SURF4: variants seen among roughly 807,000 people sequenced by gnomAD.
SURF4 encodes the protein surfeit 4, also known as surfeit locus protein 4.
In SURF4, 3 loss-of-function variants were observed where a neutral mutation model predicts 30.0. That is an observed-to-expected ratio of 0.10 (90% CI 0.05 to 0.26). The LOEUF is 0.26. Among genes scored for constraint, SURF4 ranks in the 10% least tolerant of loss-of-function variants. The pLI is 1.00. For synonymous variants in SURF4, 143 were observed against 139.9 expected, an observed-to-expected ratio of 1.02 and a Z score of -0.16; for missense variants, 217 against 350.8, an observed-to-expected ratio of 0.62 and a Z score of 3.05.
intron 1 of SURF4, among the ~76,000 whole-genome samples, chr9:133,372,163 C>G (rs999051786): frequency 1.3e-5 from 2 of 152,212 alleles, no homozygotes; most frequent in African/African-American, 4.8e-5. Flanking sequence ...CACGTCTCAG[C>G]AGTTTCTACA....
intron 1 of SURF4, among the ~76,000 whole-genome samples, chr9:133,373,077 C>T (rs1837600805): frequency 1.3e-5 from 2 of 152,176 alleles, no homozygotes; most frequent in Non-Finnish European, 2.9e-5. Context: ...TGTGAGCAGC[C>T]CCTTCACCCG....
chr9:133,377,738 A>G (rs1838027561), upstream of SURF4, among the ~76,000 whole-genome samples: 1 of 152,060 alleles, frequency 6.6e-6, no homozygotes. Context: ...CAATTTTTCC[A>G]CAGATGGAGG....
chr9:133,372,744 G>T, intron 1 of SURF4: 1 of 587,818 alleles, frequency 1.7e-6, no homozygotes. Context: ...TCATTTTCAT[G>T]TAAAAGCCTG....
At position 133,375,905 on chromosome 9, in the gene SURF4, GAGCCCGC is replaced by G. The variant is rs1432934594; in HGVS notation, c.48+10_48+16del. Reference sequence around the variant, plus strand: ...TGGGTCGGGACCGGGGCCGGGGGAGGAGCCCGCAGGCCGCACCTGGTCGGCGAAGTCC... The same window carrying G: ...TGGGTCGGGACCGGGGCCGGGGGAGGAGGCCGCACCTGGTCGGCGAAGTCC... On this transcript the variant is annotated intron_variant, in intron 1 of 5. Coordinates refer to ENST00000371989, the MANE Select transcript of SURF4 (RefSeq NM_033161.4). 8.2e-7 allele frequency: 1 copy of G among 1,224,062 alleles called. No homozygotes were observed. The highest frequency in any genetic ancestry group is 1.6e-5 in the African/African-American group (1 of 63,780). The allele number at this position is 1,224,062 out of a possible 1,614,324, so 75.8% of individuals were successfully genotyped here. A position where few individuals can be genotyped will look rare whatever the true frequency, so the allele number is the denominator to read the frequency against.
At position 133,363,276 on chromosome 9, in the gene SURF4, C is replaced by G. The variant is rs2130083832; in HGVS notation, c.*217G>C. 1 of 822,636 alleles carries G rather than the reference C, an allele frequency of 1.2e-6. No homozygotes were observed. Among genetic ancestry groups the G allele is most frequent in the East Asian group, 2.7e-5 (1 of 37,588 alleles). The allele number at this position is 822,636 out of a possible 1,614,324, so 51.0% of individuals were successfully genotyped here. Reference sequence around the variant, plus strand: ...GGAGGCTTCCAGCTGCCAGGCTGGCCTGCACTGAAGGGTCAGACGCCAGAC... The same window carrying G: ...GGAGGCTTCCAGCTGCCAGGCTGGCGTGCACTGAAGGGTCAGACGCCAGAC... On this transcript the variant is annotated 3_prime_UTR_variant, in exon 6 of 6. Coordinates refer to ENST00000371989, the MANE Select transcript of SURF4 (RefSeq NM_033161.4). The surrounding 1 kb of genome is among the most constrained non-coding windows in gnomAD (Gnocchi z 4.3).
In SURF4 at chr9:133,365,159, C is replaced by G. The variant is rs962793386; in HGVS notation, c.357-133G>C. On this transcript the variant is annotated intron_variant, in intron 4 of 5. Transcript: ENST00000371989. ...CCCTTTCTCCAAACCCAGTGATCTG[C>G]CAAGCAGGACCAGGCAGGCATGCGC... is the stretch of plus-strand genomic sequence containing the variant. The G allele has an allele frequency of 5.0e-6, 4 of 797,794 alleles. No homozygotes were observed. In the African/African-American group the frequency reaches 7.0e-5, roughly 14 times the overall value. 49.4% of individuals were successfully genotyped at this position (797,794 alleles called of 1,614,324 possible). A position where few individuals can be genotyped will look rare whatever the true frequency, so the allele number is the denominator to read the frequency against.
intron 1 of SURF4, among the ~76,000 whole-genome samples, chr9:133,371,627 A>C (rs1837513489): frequency 1.3e-5 from 2 of 152,188 alleles, no homozygotes; most frequent in South Asian, 4.1e-4. Context: ...TCCCGTTAAG[A>C]TCATCACACA....
chr9:133,373,693 G>A (rs1334598286), intron 1 of SURF4, among the ~76,000 whole-genome samples: 10 of 151,282 alleles, frequency 6.6e-5, no homozygotes, highest in African/African-American at 9.7e-5. Flanking sequence ...TAAGGCAGGC[G>A]GACCACCTGA....
intron 1 of SURF4, among the ~76,000 whole-genome samples, chr9:133,374,129 G>C (rs1032497478): frequency 6.6e-6 from 1 of 152,138 alleles, no homozygotes; most frequent in Non-Finnish European, 1.5e-5. Flanking sequence ...GCTATGAGGA[G>C]CCATCTTCTT....
rs782483902 is a variant in SURF4 at position 133,366,630 on chromosome 9, C to T, written c.281G>A (p.Cys94Tyr). The change falls in exon 3 of 6, where the codon TGC becomes TAC. Residue 94 changes from cysteine (C) to tyrosine (Y), a missense_variant. Transcript: ENST00000371989. ...VLSRNFVQYACFGLFGIIALQ... is the reference protein window; with the variant it reads ...VLSRNFVQYAYFGLFGIIALQ... ...AGCTATGATTCCAAAGAGCCCGAAG[C>T]AGGCGTACTGCACGAAGTTCCTGCT... The T allele has an allele frequency of 6.2e-7, 1 of 1,613,854 alleles. No homozygotes were observed.
rs2130067856 is a variant in SURF4, at chr9:133,361,936, A to G, written c.*1557T>C. On this transcript the variant is annotated 3_prime_UTR_variant, in exon 6 of 6. Transcript: ENST00000371989. ...CACTGAGACAAGCCAGTCTTCATGCAGTGAGCACTTGAATGATCACAGGAG... is the reference window on the plus strand; with the variant it reads ...CACTGAGACAAGCCAGTCTTCATGCGGTGAGCACTTGAATGATCACAGGAG... The G allele has an allele frequency of 2.0e-5, 3 of 152,378 alleles. No individual in the cohort carries two copies. Among genetic ancestry groups the G allele is most frequent in the Non-Finnish European group, 4.4e-5 (3 of 68,068 alleles). 9.4% of individuals were successfully genotyped at this position (152,378 alleles called of 1,614,324 possible).
chr9:133,375,708 G>C (rs1300172507), intron 1 of SURF4, among the ~76,000 whole-genome samples: 1 of 152,074 alleles, frequency 6.6e-6, no homozygotes, highest in Admixed American at 6.5e-5. Context: ...CCCGGGCTCC[G>C]GGAGCGGCCC....
In SURF4 at chr9:133,362,172, G is replaced by C. The variant is rs189616967; in HGVS notation, c.*1321C>G. On this transcript the variant is annotated 3_prime_UTR_variant, in exon 6 of 6. Transcript: ENST00000371989. Reference sequence around the variant, plus strand: ...GAGAGGCCAAGAGGGAGGCAGGCTCGGGGCTGGGCCGCAGCAGCCCTGGAG... The same window carrying C: ...GAGAGGCCAAGAGGGAGGCAGGCTCCGGGCTGGGCCGCAGCAGCCCTGGAG... The C allele has an allele frequency of 1.3e-5, 2 of 152,150 alleles. No individual in the cohort carries two copies. Among genetic ancestry groups the C allele is most frequent in the Non-Finnish European group, 2.9e-5 (2 of 68,052 alleles). The allele number at this position is 152,150 out of a possible 1,614,324, so 9.4% of individuals were successfully genotyped here.
chr9:133,363,398 G>C lies in SURF4; in HGVS notation c.*95C>G. ...CCTTTACCAAGGGAGGGGAAGGGAA[G>C]AGGATACATAAAAGCTGGCAGTTTT... On this transcript the variant is annotated 3_prime_UTR_variant, in exon 6 of 6. Coordinates refer to ENST00000371989, the MANE Select transcript of SURF4 (RefSeq NM_033161.4). The surrounding 1 kb of genome is among the most constrained non-coding windows in gnomAD (Gnocchi z 4.3). The C allele has an allele frequency of 6.3e-7, 1 of 1,589,858 alleles. No homozygotes were observed. The highest frequency in any genetic ancestry group is 1.7e-5 in the Admixed American group (1 of 58,788).
chr9:133,376,353 G>A, upstream of SURF4: 9 of 1,381,932 alleles, frequency 6.5e-6, no homozygotes, highest in Non-Finnish European at 8.5e-6. Context: ...GCCAGCGCGC[G>A]GGAGGGACGC....
chr9:133,362,988 A>AC lies in SURF4; in HGVS notation c.*504dup, dbSNP rs1836915468. On this transcript the variant is annotated 3_prime_UTR_variant, in exon 6 of 6. Coordinates refer to ENST00000371989, the MANE Select transcript of SURF4 (RefSeq NM_033161.4). ...CTATAAAATACAATGCGGGGCAGAA[A>AC]CAACATCAAAGCCACTGGTGTGATT... is the stretch of plus-strand genomic sequence containing the variant. 4.3e-6 allele frequency: 1 copy of AC among 230,360 alleles called. No homozygotes were observed. Among genetic ancestry groups the AC allele is most frequent in the African/African-American group, 2.3e-5 (1 of 43,152 alleles). 14.3% of individuals were successfully genotyped at this position (230,360 alleles called of 1,614,324 possible). A position where few individuals can be genotyped will look rare whatever the true frequency, so the allele number is the denominator to read the frequency against.
At chr9:133,366,483 C>T in intron 3 of SURF4, 116 bp downstream of exon 3, 1 of 1,161,376 alleles carries the variant, frequency 8.6e-7, no homozygotes, top group Non-Finnish European at 1.3e-6. Context: ...TCCAGGCAGT[C>T]AGAGACATGC....
chr9:133,376,009 C>G lies in SURF4; in HGVS notation c.-40G>C. ...GCTCGGCTCGGCTCGCTCGCTCGCT[C>G]GCTGGCTCTCGCCCGTCGGCGCCCG... On this transcript the variant is annotated 5_prime_UTR_variant, in exon 1 of 6. Coordinates refer to ENST00000371989, the MANE Select transcript of SURF4 (RefSeq NM_033161.4). 1.6e-6 allele frequency: 2 copies of G among 1,219,742 alleles called. No individual in the cohort carries two copies. Among genetic ancestry groups the G allele is most frequent in the Non-Finnish European group, 1.0e-6 (1 of 978,792 alleles). The allele number at this position is 1,219,742 out of a possible 1,614,324, so 75.6% of individuals were successfully genotyped here.
chr9:133,370,239 CAA>C (rs1216015660), intron 1 of SURF4, among the ~76,000 whole-genome samples: 1 of 152,098 alleles, frequency 6.6e-6, no homozygotes, highest in African/African-American at 2.4e-5. Context: ...GATTAAAGAG[CAA>C]AAAAGAGAGA....
Sources: gnomAD v4.1 joint callset for allele counts (sites outside exome capture counted in the v4.1 genomes callset) on GRCh38, gnomAD v4.1.1 for gene constraint, Gnocchi (gnomAD v3.1) non-coding constraint, MANE v1.5 for transcripts, NCBI Gene and HGNC (gene_info 2026-07-23, HGNC 2026-07-21) for gene names.